ANAPC2: variants seen among roughly 807,000 people sequenced by gnomAD.
ANAPC2 encodes the protein anaphase promoting complex subunit 2.
A neutral mutation model predicts 84.3 loss-of-function variants in ANAPC2; 29 were observed. The observed-to-expected ratio is 0.34, with a 90% CI of 0.26 to 0.47. The LOEUF (loss-of-function observed/expected upper bound fraction) is 0.47, where lower values mean the gene tolerates loss of function less well. ANAPC2 is among the 20% of genes least tolerant of loss of function. ANAPC2 has a pLI of 1.00. For missense variants in ANAPC2, 857 were observed against 1,131.7 expected (o/e 0.76, Z 3.48); for synonymous variants, 571 against 479.4 (o/e 1.19, Z -2.50).
intron 2 of ANAPC2, chr9:137,186,818 C>T (rs745848542): frequency 1.6e-4 from 27 of 168,576 alleles, no homozygotes; most frequent in Non-Finnish European, 3.1e-4. Flanking sequence ...TGCCGTGTAA[C>T]TTTTGCAGGG....
At chr9:137,183,848 C>T (rs1316975320) in intron 4 of ANAPC2, 57 bp from the exon 5 acceptor site, 4 of 1,595,724 alleles carry the variant, frequency 2.5e-6, no homozygotes, top group Middle Eastern at 1.7e-4. Flanking sequence ...CACGTGCAGG[C>T]TGGTGCAGAG....
At chr9:137,175,911 C>A (rs533656560) in intron 10 of ANAPC2, 74 bp from the exon 11 acceptor site, 2 of 1,498,022 alleles carry the variant, frequency 1.3e-6, no homozygotes, top group Middle Eastern at 1.9e-4. Flanking sequence ...CCACCTGGTA[C>A]CAGTGAGAAA....
Position 137,174,876 on chromosome 9 carries a change from G to C in ANAPC2, c.*66C>G. 2.1e-6 allele frequency: 3 copies of C among 1,459,866 alleles called. No homozygotes were observed. The South Asian group carries it at 4.1e-5, about 20-fold the overall frequency. The allele number at this position is 1,459,866 out of a possible 1,614,324, so 90.4% of individuals were successfully genotyped here. On this transcript the variant is annotated 3_prime_UTR_variant, in exon 13 of 13. Transcript: ENST00000323927. This position sits in a 1 kb window ranked among gnomAD's most constrained non-coding sequence, Gnocchi z 6.1. The stretch of plus-strand genomic sequence containing the variant: ...TCTGGGACACGGGCGGGCGGGGGCT[G>C]GCACGGGAGGACGAGAGCACCTGCA...
intron 3 of ANAPC2, among the ~76,000 whole-genome samples, chr9:137,185,428 C>T (rs1328067644): frequency 6.6e-6 from 1 of 152,212 alleles, no homozygotes; most frequent in African/African-American, 2.4e-5. Flanking sequence ...TGGATAAACA[C>T]GCCCTTGAGA....
chr9:137,181,646 A>C (rs1458032942), intron 7 of ANAPC2, 35 bp downstream of exon 7: 3 of 1,546,944 alleles, frequency 1.9e-6, no homozygotes, highest in Admixed American at 3.7e-5. Flanking sequence ...AGCGCCCCCC[A>C]CACTGGTGAA....
At chr9:137,188,230 G>A in intron 1 of ANAPC2, 127 bp from the exon 2 acceptor site, 3 of 1,380,790 alleles carry the variant, frequency 2.2e-6, no homozygotes, top group Non-Finnish European at 2.9e-6. Flanking sequence ...CCCGGACGTT[G>A]GGCCGAAGCT....
At chr9:137,187,292 G>T in intron 2 of ANAPC2, 189 bp downstream of exon 2, 1 of 721,598 alleles carries the variant, frequency 1.4e-6, no homozygotes, top group Non-Finnish European at 2.2e-6. Flanking sequence ...CTGTGGGACT[G>T]AAGGTGAGTG....
intron 7 of ANAPC2, 36 bp from the exon 8 acceptor site, chr9:137,180,965 C>A: frequency 6.2e-7 from 1 of 1,606,130 alleles, no homozygotes; most frequent in Non-Finnish European, 8.5e-7. Context: ...ACCTGACAGG[C>A]ACCTGGGCAA....
intron 3 of ANAPC2, among the ~76,000 whole-genome samples, chr9:137,185,553 A>G (rs1440411695): frequency 6.6e-6 from 1 of 152,120 alleles, no homozygotes; most frequent in African/African-American, 2.4e-5. Flanking sequence ...ACGGATGTTC[A>G]CCCTCTCCAC....
intron 10 of ANAPC2, among the ~76,000 whole-genome samples, chr9:137,177,938 C>T (rs928937166): frequency 6.6e-6 from 1 of 152,168 alleles, no homozygotes; most frequent in African/African-American, 2.4e-5. Context: ...AGGAAGCAGC[C>T]TCCCCTAGAG....
At chr9:137,179,295 T>C (rs1468530491) in intron 10 of ANAPC2, among the ~76,000 whole-genome samples, 1 of 151,770 alleles carries the variant, frequency 6.6e-6, no homozygotes, top group African/African-American at 2.4e-5. Context: ...GCCCCACACA[T>C]CAGACAGAAA....
At chr9:137,181,560 C>T (rs1162956728) in intron 7 of ANAPC2, 121 bp downstream of exon 7, 1 of 1,156,584 alleles carries the variant, frequency 8.6e-7, no homozygotes, top group Non-Finnish European at 1.2e-6. Flanking sequence ...ACCCTCAAGC[C>T]TCTGAGACAC....
intron 10 of ANAPC2, among the ~76,000 whole-genome samples, chr9:137,177,642 C>G (rs539208577): frequency 7.3e-4 from 111 of 152,252 alleles, no homozygotes; most frequent in African/African-American, 2.6e-3. Context: ...GTCACTTGCA[C>G]GTGGGAGGGG....
At chr9:137,184,294 GCAGACACAAGGAGCCCAGACA>G (rs1288708658) in intron 4 of ANAPC2, among the ~76,000 whole-genome samples, 13 of 150,312 alleles carry the variant, frequency 8.6e-5, no homozygotes, top group Non-Finnish European at 1.2e-4. Flanking sequence ...GAGCCCAGAC[GCAGACACAAGGAGCCCAGACA>G]CAGACACAGA....
intron 6 of ANAPC2, 69 bp from the exon 7 acceptor site, chr9:137,181,931 A>G (rs1834352227): frequency 6.6e-7 from 1 of 1,516,476 alleles, no homozygotes. Context: ...CACTCATTCC[A>G]GTCCCGGCCC....
intron 10 of ANAPC2, chr9:137,176,146 C>CAGGGTTGATGCAGATG (rs1413772008): frequency 4.4e-6 from 1 of 227,132 alleles, no homozygotes; most frequent in African/African-American, 3.7e-5. Flanking sequence ...GAGGTGCATC[C>CAGGGTTGATGCAGATG]TAACCCAACT....
At chr9:137,179,694 A>G (rs1834299682) in intron 10 of ANAPC2, among the ~76,000 whole-genome samples, 1 of 152,188 alleles carries the variant, frequency 6.6e-6, no homozygotes, top group Admixed American at 6.5e-5. Flanking sequence ...TTCTCGAGGA[A>G]ACAGACCTGG....
Position 137,175,441 on chromosome 9 carries a change from C to T in ANAPC2, c.2052G>A (p.Ala684=), listed in dbSNP as rs143593793. ...ASWTLEELSK[A]VKMPVALLRR... ...GCAGCAGCGCCACGGGCATCTTCAC[C>T]GCCTTGCTCAGTTCCTCCAGGGTCC... Residue 684 remains alanine (A), a synonymous_variant, in exon 12 of 13, where the codon GCG becomes GCA. Coordinates refer to ENST00000323927, the MANE Select transcript of ANAPC2 (RefSeq NM_013366.4). 3.2e-4 allele frequency: 505 copies of T among 1,596,306 alleles called. No homozygotes were observed. Among genetic ancestry groups the T allele is most frequent in the Non-Finnish European group, 3.8e-4 (444 of 1,172,716 alleles).
rs770005231 is a variant in ANAPC2 at position 137,183,755 on chromosome 9, T to C, written c.1085A>G (p.Lys362Arg). 6.2e-6 allele frequency: 10 copies of C among 1,613,182 alleles called. No individual in the cohort carries two copies. Among genetic ancestry groups the C allele is most frequent in the Non-Finnish European group, 8.5e-6 (10 of 1,179,918 alleles). ...CTGGTCCGTCCTCTCCAGGCAGTACTTGAGGTCCTCGATGGCTGGCCGGGA... is the reference window on the plus strand; with the variant it reads ...CTGGTCCGTCCTCTCCAGGCAGTACCTGAGGTCCTCGATGGCTGGCCGGGA... ...PDSRPAIEDL[K>R]YCLERTDQRQ... The change falls in exon 5 of 13, where the codon AAG becomes AGG. Residue 362 changes from lysine (K) to arginine (R), a missense_variant. Physicochemically the swap from Lys to Arg is conservative, Grantham distance 26. Coordinates refer to ENST00000323927, the MANE Select transcript of ANAPC2 (RefSeq NM_013366.4).
Sources: gnomAD v4.1 joint callset for allele counts (sites outside exome capture counted in the v4.1 genomes callset) on GRCh38, gnomAD v4.1.1 for gene constraint, Gnocchi (gnomAD v3.1) non-coding constraint, MANE v1.5 for transcripts, NCBI Gene and HGNC (gene_info 2026-07-23, HGNC 2026-07-21) for gene names.